CNTN3: variants seen among roughly 807,000 people sequenced by gnomAD.
CNTN3 encodes the protein contactin-3.
Under a neutral mutation model 119.1 loss-of-function variants are expected in CNTN3, and 60 were observed. That is an observed-to-expected ratio of 0.50 (90% CI 0.41 to 0.62). The LOEUF is 0.62. CNTN3 is among the 20% of genes least tolerant of loss of function. The pLI, the probability that CNTN3 is intolerant of heterozygous loss-of-function variation, is 0.00. For synonymous variants in CNTN3, 450 were observed against 438.7 expected (o/e 1.03, Z -0.32); for missense variants, 1,101 against 1,242.4 (o/e 0.89, Z 1.71).
At chr3:74,395,778 A>G (rs962012857) in intron 5 of CNTN3, among the ~76,000 whole-genome samples, 3 of 152,058 alleles carry the variant, frequency 2.0e-5, no homozygotes, top group African/African-American at 7.2e-5. Context: ...GTTTTTTTAA[A>G]TTGAAGGTGT....
chr3:74,341,923 AAC>A (rs2106726213), intron 11 of CNTN3, among the ~76,000 whole-genome samples: 1 of 152,270 alleles, frequency 6.6e-6, no homozygotes, highest in Non-Finnish European at 1.5e-5. Flanking sequence ...AATTTTAACA[AAC>A]ACACTGCAAC....
rs767883715 is a variant in CNTN3, at chr3:74,301,818, C to T, written c.1787-13G>A. The stretch of plus-strand genomic sequence containing the variant: ...GGTCCAGGTGAACCTAAGGAAGGCA[C>T]AAATGGAAACATTGAGTAGCAGTTC... On this transcript the variant is annotated splice_polypyrimidine_tract_variant and intron_variant, in intron 14 of 22. Coordinates refer to ENST00000263665, the MANE Select transcript of CNTN3 (RefSeq NM_020872.3). 9 of 1,612,640 alleles carry T rather than the reference C, an allele frequency of 5.6e-6. No individual in the cohort carries two copies. Among genetic ancestry groups the T allele is most frequent in the East Asian group, 2.2e-5 (1 of 44,862 alleles).
intron 19 of CNTN3, among the ~76,000 whole-genome samples, chr3:74,287,906 C>T (rs1383705502): frequency 6.6e-6 from 1 of 152,156 alleles, no homozygotes; most frequent in Admixed American, 6.5e-5. Flanking sequence ...CCAGTAAAAC[C>T]AACCCTTTGA....
intron 19 of CNTN3, among the ~76,000 whole-genome samples, chr3:74,286,127 G>C (rs1702112504): frequency 6.6e-6 from 1 of 151,976 alleles, no homozygotes. Context: ...AAAGTGTCTA[G>C]TCTGAAGGAA....
At chr3:74,571,929 T>C (rs905003516) in intron 1 of CNTN3, among the ~76,000 whole-genome samples, 6 of 152,186 alleles carry the variant, frequency 3.9e-5, no homozygotes, top group African/African-American at 1.4e-4. Flanking sequence ...AGTCAGGGTA[T>C]CATATGAAAT....
chr3:74,538,531 G>C (rs1559650030), intron 1 of CNTN3, among the ~76,000 whole-genome samples: 1 of 152,056 alleles, frequency 6.6e-6, no homozygotes, highest in Non-Finnish European at 1.5e-5. Flanking sequence ...AAAAAGGATG[G>C]ATTCCAACGT....
At chr3:74,542,567 T>C (rs374960615) in intron 1 of CNTN3, among the ~76,000 whole-genome samples, 2 of 152,192 alleles carry the variant, frequency 1.3e-5, no homozygotes, top group East Asian at 3.9e-4. Flanking sequence ...AAACATTAAG[T>C]ACACTAACAT....
intron 1 of CNTN3, among the ~76,000 whole-genome samples, chr3:74,614,104 T>A (rs1200750327): frequency 6.6e-6 from 1 of 152,162 alleles, no homozygotes; most frequent in Non-Finnish European, 1.5e-5. Flanking sequence ...TCAAATCCAC[T>A]GCGCGAAGGG....
chr3:74,600,093 A>G (rs3886344), intron 1 of CNTN3, among the ~76,000 whole-genome samples: 50,459 of 151,898 alleles, frequency 0.33, 10,555 homozygotes, highest in African/African-American at 0.57. Flanking sequence ...AAAAAAGAGA[A>G]GGAAAAATGA....
At chr3:74,462,259 T>A (rs1286904456) in intron 4 of CNTN3, among the ~76,000 whole-genome samples, 1 of 152,082 alleles carries the variant, frequency 6.6e-6, no homozygotes, top group African/African-American at 2.4e-5. Context: ...CAATTAAACA[T>A]CTTTTCTTTA....
rs186251862 is a variant in CNTN3 at position 74,331,273 on chromosome 3, A to G, written c.1668+3462T>C. ...ACCATTTCAATGTTTAGACACACAA[A>G]TACTTGCCATTCTGTTAAACTGCCC... is the stretch of plus-strand genomic sequence containing the variant. On this transcript the variant is annotated intron_variant, in intron 13 of 22. Transcript: ENST00000263665. Among the ~76,000 whole-genome samples, 38 of 152,256 alleles carry G rather than the reference A, an allele frequency of 2.5e-4. No individual in the cohort carries two copies. The East Asian group carries it at 6.4e-3, about 26-fold the overall frequency.
At chr3:74,422,679 T>C (rs1200096710) in intron 5 of CNTN3, among the ~76,000 whole-genome samples, 1 of 152,198 alleles carries the variant, frequency 6.6e-6, no homozygotes, top group African/African-American at 2.4e-5. Context: ...TCAGTCGGAA[T>C]TTTAAATTGG....
At chr3:74,281,580 T>A (rs1317704537) in intron 20 of CNTN3, among the ~76,000 whole-genome samples, 2 of 152,052 alleles carry the variant, frequency 1.3e-5, no homozygotes, top group Non-Finnish European at 2.9e-5. Flanking sequence ...ACTCCTGAGC[T>A]CAAGCAATCA....
At chr3:74,451,592 G>A (rs1404659593) in intron 4 of CNTN3, among the ~76,000 whole-genome samples, 6 of 152,154 alleles carry the variant, frequency 3.9e-5, no homozygotes, top group Non-Finnish European at 5.9e-5. Context: ...CCTTGCCCGT[G>A]CCTATGTCCT....
chr3:74,310,988 G>C (rs889271780), intron 13 of CNTN3, among the ~76,000 whole-genome samples: 29 of 152,226 alleles, frequency 1.9e-4, no homozygotes, highest in African/African-American at 6.5e-4. Context: ...AGAGAGGACA[G>C]TGAGTTTAGG....
At chr3:74,326,406 T>C (rs958819180) in intron 13 of CNTN3, among the ~76,000 whole-genome samples, 28 of 152,306 alleles carry the variant, frequency 1.8e-4, no homozygotes, top group Non-Finnish European at 3.7e-4. Flanking sequence ...GTATGAGATA[T>C]ATAATAATCA....
chr3:74,302,733 C>A lies in CNTN3; in HGVS notation c.1743G>T (p.Thr581=). The change falls in exon 14 of 23, where the codon ACG becomes ACT. Residue 581 remains threonine, a synonymous_variant. Coordinates refer to ENST00000263665, the MANE Select transcript of CNTN3 (RefSeq NM_020872.3). ...HSGKYVCMVQ[T]GVDSVSSAAD... ...CAGCAGATGAAACACTGTCCACCCC[C>A]GTTTGCACCATACAAACATATTTCC... 1.9e-6 allele frequency: 3 copies of A among 1,613,268 alleles called. No homozygotes were observed. The highest frequency in any genetic ancestry group is 2.5e-6 in the Non-Finnish European group (3 of 1,179,476).
chr3:74,588,981 T>G (rs1301419460), intron 1 of CNTN3, among the ~76,000 whole-genome samples: 1 of 152,090 alleles, frequency 6.6e-6, no homozygotes, highest in South Asian at 2.1e-4. Flanking sequence ...ACTTAAACGT[T>G]AGACCTAAAA....
intron 5 of CNTN3, among the ~76,000 whole-genome samples, chr3:74,391,792 G>T (rs1559578378): frequency 6.6e-6 from 1 of 151,900 alleles, no homozygotes; most frequent in Non-Finnish European, 1.5e-5. Context: ...GGAGTAGCTG[G>T]GACTACGTTC....
Sources: allele counts gnomAD v4.1 joint callset (sites outside exome capture counted in the v4.1 genomes callset), GRCh38; gene constraint gnomAD v4.1.1; transcripts MANE v1.5; gene names NCBI Gene and HGNC (gene_info 2026-07-23, HGNC 2026-07-21).